The following EML1 variants were observed in gnomAD, a reference collection of about 807,000 sequenced individuals.
EML1 encodes EMAP like 1, also known as echinoderm microtubule-associated protein-like 1.
A neutral mutation model predicts 110.4 loss-of-function variants in EML1; 27 were observed. The ratio of observed to expected loss-of-function variants is 0.24; its 90% CI spans 0.18 to 0.34. The LOEUF (loss-of-function observed/expected upper bound fraction) is 0.34. Among genes scored for constraint, EML1 ranks in the 10% least tolerant of loss-of-function variants. EML1 has a pLI of 1.00. For synonymous variants in EML1, 344 were observed against 385.8 expected (o/e 0.89, Z 1.27); for missense variants, 741 against 1,030.9 (o/e 0.72, Z 3.85).
At chr14:99,812,166 G>A (rs1020894474) in intron 1 of EML1, among the ~76,000 whole-genome samples, 1 of 151,902 alleles carries the variant, frequency 6.6e-6, no homozygotes, top group Non-Finnish European at 1.5e-5. Flanking sequence ...TAGGTGAACA[G>A]TACGTGTGTG....
At chr14:99,903,965 G>T (rs1566929036) in intron 9 of EML1, among the ~76,000 whole-genome samples, 1 of 151,810 alleles carries the variant, frequency 6.6e-6, no homozygotes, top group African/African-American at 2.4e-5. Context: ...TGTATTTTTA[G>T]TAGAGACGGG....
intron 17 of EML1, among the ~76,000 whole-genome samples, chr14:99,935,676 G>A (rs544103413): frequency 5.9e-5 from 9 of 151,664 alleles, no homozygotes; most frequent in South Asian, 4.2e-4. Context: ...CCAGCTACTC[G>A]GGAGGCTGAG....
At chr14:99,851,167 A>G in intron 2 of EML1, 132 bp downstream of exon 2, 5 of 1,003,280 alleles carry the variant, frequency 5.0e-6, no homozygotes, top group Admixed American at 2.7e-5. Context: ...CAGTCTTAGC[A>G]CTGTCAACAT....
At chr14:99,920,935 T>C in intron 17 of EML1, 58 bp downstream of exon 17, 2 of 1,512,610 alleles carry the variant, frequency 1.3e-6, no homozygotes, top group Admixed American at 3.6e-5. Flanking sequence ...TTTTAAGTTC[T>C]GGAGTCCATG....
chr14:99,747,995 C>A (rs576806454), intron 1 of EML1, among the ~76,000 whole-genome samples: 2 of 152,332 alleles, frequency 1.3e-5, no homozygotes, highest in East Asian at 3.9e-4. Flanking sequence ...TAAAGAGGTT[C>A]CCTTAGGGCC....
intron 9 of EML1, chr14:99,907,210 A>T (rs532090030): frequency 1.3e-5 from 2 of 159,426 alleles, no homozygotes; most frequent in African/African-American, 2.4e-5. Flanking sequence ...CACACCTTCT[A>T]ACCAGCACTT....
Position 99,939,303 on chromosome 14 carries a change from C to G in EML1, c.2298C>G (p.Phe766Leu). ...TGDDFGKVHLFSYPCSQFRAP... is the reference protein window; with the variant it reads ...TGDDFGKVHLLSYPCSQFRAP... ...ACGACTTTGGCAAAGTGCACCTCTT[C>G]TCATACCCCTGCTCGCAGTTCAGGG... Residue 766 changes from phenylalanine to leucine, a missense_variant, in exon 21 of 22, where the codon TTC becomes TTG. By Grantham distance (22) the Phe-to-Leu change is conservative. This residue lies in a region of EML1 where 114 missense variants were observed against 122.5 expected (regional missense o/e 0.93). Coordinates refer to ENST00000262233, the MANE Select transcript of EML1 (RefSeq NM_004434.3). This position sits in a 1 kb window ranked among gnomAD's most constrained non-coding sequence, Gnocchi z 4.2. The G allele has an allele frequency of 6.2e-7, 1 of 1,614,216 alleles. No individual in the cohort carries two copies. Among genetic ancestry groups the G allele is most frequent in the South Asian group, 1.1e-5 (1 of 91,082 alleles).
At position 99,784,123 on chromosome 14, in the gene EML1, C is replaced by T. The variant is rs1381171714; in HGVS notation, c.-27+10110C>T. ...TTTTTTTTTTTGAGATAGGATCTTG[C>T]TCTGTCGCCCAGGCTGGAGTGCAGT... On this transcript the variant is annotated intron_variant, in intron 1 of 22. Transcript: ENST00000327921. The surrounding 1 kb of genome is among the most constrained non-coding windows in gnomAD (Gnocchi z 4.5). 1.3e-5 allele frequency among the ~76,000 whole-genome samples: 2 copies of T among 151,966 alleles called. No individual in the cohort carries two copies. Among genetic ancestry groups the T allele is most frequent in the East Asian group, 1.9e-4 (1 of 5,182 alleles).
intron 1 of EML1, among the ~76,000 whole-genome samples, chr14:99,761,611 C>T (rs2140187731): frequency 6.6e-6 from 1 of 152,204 alleles, no homozygotes; most frequent in Non-Finnish European, 1.5e-5. Context: ...AAAATGATCT[C>T]CCCTGGGCTT....
intron 1 of EML1, among the ~76,000 whole-genome samples, chr14:99,839,344 A>C (rs2058596833): frequency 6.6e-6 from 1 of 152,100 alleles, no homozygotes; most frequent in African/African-American, 2.4e-5. Flanking sequence ...GTGTTCCTAC[A>C]TTTCTGTTAT....
intron 2 of EML1, among the ~76,000 whole-genome samples, chr14:99,861,043 A>G (rs2058995406): frequency 6.6e-6 from 1 of 152,198 alleles, no homozygotes; most frequent in Admixed American, 6.5e-5. Context: ...TATGAGATTG[A>G]ATTTTGAAAT....
At chr14:99,854,274 A>G (rs2058863876) in intron 2 of EML1, among the ~76,000 whole-genome samples, 2 of 152,362 alleles carry the variant, frequency 1.3e-5, no homozygotes, top group South Asian at 4.1e-4. Flanking sequence ...CCTTTCCACA[A>G]TAATACTCCA....
chr14:99,901,769 G>T (rs149465115), intron 9 of EML1, among the ~76,000 whole-genome samples: 1 of 152,060 alleles, frequency 6.6e-6, no homozygotes, highest in Non-Finnish European at 1.5e-5. Flanking sequence ...TACTGCAAGC[G>T]GTTATATCAG....
chr14:99,789,945 G>A (rs1025814370), upstream of EML1, among the ~76,000 whole-genome samples: 1 of 152,162 alleles, frequency 6.6e-6, no homozygotes, highest in Non-Finnish European at 1.5e-5. Flanking sequence ...AATTTTCAGA[G>A]ATTTTTCTTG....
Position 99,936,025 on chromosome 14 carries a change from A to G in EML1, c.1910-4A>G, listed in dbSNP as rs754819907. ...CTGAAATGTAATTTGTCATCTTTTTATAGATGGGAATTTCTTAGCCATAGG... is the reference window on the plus strand; with the variant it reads ...CTGAAATGTAATTTGTCATCTTTTTGTAGATGGGAATTTCTTAGCCATAGG... On this transcript the variant is annotated splice_polypyrimidine_tract_variant and splice_region_variant and intron_variant, in intron 17 of 21. Coordinates refer to ENST00000262233, the MANE Select transcript of EML1 (RefSeq NM_004434.3). The surrounding 1 kb of genome is among the most constrained non-coding windows in gnomAD (Gnocchi z 5.5). 3.7e-6 allele frequency: 6 copies of G among 1,613,322 alleles called. No individual in the cohort carries two copies. In the South Asian group the frequency reaches 4.4e-5, roughly 12 times the overall value.
chr14:99,748,968 C>T (rs1045030451), intron 1 of EML1, among the ~76,000 whole-genome samples: 9 of 152,166 alleles, frequency 5.9e-5, no homozygotes, highest in Non-Finnish European at 1.5e-5. Flanking sequence ...TGGGTTCATT[C>T]GTGTTGGAGC....
intron 9 of EML1, among the ~76,000 whole-genome samples, chr14:99,902,551 G>A (rs953142276): frequency 6.6e-6 from 1 of 152,176 alleles, no homozygotes; most frequent in African/African-American, 2.4e-5. Flanking sequence ...ACCATAACAG[G>A]ACTGATTAGT....
rs994303133 is a variant in EML1 at position 99,941,374 on chromosome 14, AGAGTGACTGATG to A, written c.*1263_*1274del. ...CTGAGCTCTATGGCACTGGTTGTTT[AGAGTGACTGATG>A]AAGTGCAACTTTCAAAAACATTTTT... On this transcript the variant is annotated 3_prime_UTR_variant, in exon 22 of 22. Transcript: ENST00000262233. 17 of 152,266 alleles carry A rather than the reference AGAGTGACTGATG, an allele frequency of 1.1e-4. No homozygotes were observed. The highest frequency in any genetic ancestry group is 3.6e-4 in the African/African-American group (15 of 41,474). 9.4% of individuals were successfully genotyped at this position (152,266 alleles called of 1,614,324 possible).
intron 1 of EML1, 65 bp downstream of exon 1, chr14:99,793,608 G>A (rs1302541286): frequency 2.0e-6 from 2 of 982,368 alleles, no homozygotes; most frequent in African/African-American, 1.8e-5. Context: ...CGACGGCGAC[G>A]GCGGGGACCA....
Sources: gnomAD v4.1 joint callset for allele counts (sites outside exome capture counted in the v4.1 genomes callset) on GRCh38, gnomAD v4.1.1 for gene constraint, gnomAD v4.1.1 regional missense constraint, Gnocchi (gnomAD v3.1) non-coding constraint, MANE v1.5 for transcripts, NCBI Gene and HGNC (gene_info 2026-07-23, HGNC 2026-07-21) for gene names.